Variants in TENM3 observed in about 807,000 individuals in gnomAD.
TENM3 encodes the protein teneurin transmembrane protein 3, also known as teneurin-3.
Under a neutral mutation model 255.1 loss-of-function variants are expected in TENM3, and 63 were observed. The observed-to-expected ratio is 0.25, with a 90% CI of 0.20 to 0.30. The LOEUF (loss-of-function observed/expected upper bound fraction) is 0.30. TENM3 is among the 10% of genes least tolerant of loss of function. The pLI is 1.00. For missense variants in TENM3, 2,929 were observed against 3,461.1 expected (o/e 0.85, Z 3.86); for synonymous variants, 1,306 against 1,322.3 (o/e 0.99, Z 0.27).
At chr4:181,693,503 A>C in the TENM3 span, among the ~76,000 whole-genome samples, 7 of 152,176 alleles carry the variant, frequency 4.6e-5, no homozygotes, top group Non-Finnish European at 7.4e-5. Flanking sequence ...GCCATCCAGG[A>C]AGAGTGCAGT....
chr4:182,762,396 G>T (rs140700345), intron 22 of TENM3, among the ~76,000 whole-genome samples: 2 of 152,250 alleles, frequency 1.3e-5, no homozygotes, highest in East Asian at 3.9e-4. Flanking sequence ...GTGATTGTCA[G>T]ATATTTACCC....
chr4:182,688,287 C>G lies in TENM3; in HGVS notation c.2157C>G (p.His719Gln), dbSNP rs1310194730. The change falls in exon 12 of 28, where the codon CAC (histidine) becomes CAG (glutamine). Residue 719 changes from histidine (H) to glutamine (Q), a missense_variant. Transcript: ENST00000511685. Reference sequence around the variant, plus strand: ...CCTGCCACCCCCGCTGTGCCGAGCACGGGACCTGCAAGGATGGCAAGTGTG... The same window carrying G: ...CCTGCCACCCCCGCTGTGCCGAGCAGGGGACCTGCAAGGATGGCAAGTGTG... ...QRACHPRCAEHGTCKDGKCEC... is the reference protein window; with the variant it reads ...QRACHPRCAEQGTCKDGKCEC... The G allele has an allele frequency of 6.2e-7, 1 of 1,613,836 alleles. No individual in the cohort carries two copies.
At chr4:182,060,576 G>A in the TENM3 span, among the ~76,000 whole-genome samples, 648 of 152,220 alleles carry the variant, frequency 4.3e-3, 2 homozygotes, top group Non-Finnish European at 5.9e-3. Context: ...AACAAGTCAC[G>A]GGCCCATACA....
intron 3 of TENM3, among the ~76,000 whole-genome samples, chr4:182,549,216 A>G (rs568268780): frequency 6.6e-6 from 1 of 152,374 alleles, no homozygotes; most frequent in South Asian, 2.1e-4. Flanking sequence ...GTTACGGTCA[A>G]GTAAAATGTC....
intron 4 of TENM3, 146 bp downstream of exon 4, chr4:182,601,307 G>A (rs1246678843): frequency 1.3e-5 from 9 of 687,482 alleles, no homozygotes; most frequent in Non-Finnish European, 2.2e-5. Flanking sequence ...GTTCCAGATT[G>A]TTGTGATTTT....
intron 3 of TENM3, among the ~76,000 whole-genome samples, chr4:182,546,729 C>T (rs1166781534): frequency 6.6e-6 from 1 of 152,130 alleles, no homozygotes; most frequent in Non-Finnish European, 1.5e-5. Context: ...ATAGGGAATC[C>T]TACCAGAGAT....
rs1030932563 is a variant in TENM3 at position 182,608,252 on chromosome 4, T to A, written c.749+7091T>A. Among the ~76,000 whole-genome samples the A allele has an allele frequency of 3.3e-5, 5 of 152,220 alleles. No homozygotes were observed. The East Asian group carries it at 9.7e-4, about 30-fold the overall frequency. ...TCAGTTTTTTTAAAGATTGATTGAT[T>A]GATTGATTGATATTTTTTTGAGACG... On this transcript the variant is annotated intron_variant, in intron 4 of 27. Coordinates refer to ENST00000511685, the MANE Select transcript of TENM3 (RefSeq NM_001080477.4).
chr4:181,898,696 G>A, the TENM3 span, among the ~76,000 whole-genome samples: 1 of 152,008 alleles, frequency 6.6e-6, no homozygotes, highest in East Asian at 1.9e-4. Flanking sequence ...CTACATTTCT[G>A]TTGGGAAAAT....
At chr4:181,546,411 T>C in the TENM3 span, among the ~76,000 whole-genome samples, 1 of 152,174 alleles carries the variant, frequency 6.6e-6, no homozygotes, top group African/African-American at 2.4e-5. Context: ...AGTAAAAAGC[T>C]ATTCTACAGA....
chr4:181,986,592 C>T, the TENM3 span, among the ~76,000 whole-genome samples: 2 of 152,086 alleles, frequency 1.3e-5, no homozygotes, highest in African/African-American at 4.8e-5. Context: ...ACTGCTCATA[C>T]CTATAGCGTT....
At chr4:181,869,943 G>A in the TENM3 span, among the ~76,000 whole-genome samples, 1 of 152,128 alleles carries the variant, frequency 6.6e-6, no homozygotes, top group Non-Finnish European at 1.5e-5. Flanking sequence ...CCATTAATGT[G>A]AAAAACAAGA....
intron 2 of TENM3, among the ~76,000 whole-genome samples, chr4:182,330,908 A>T (rs1340527344): frequency 1.3e-5 from 2 of 152,238 alleles, no homozygotes; most frequent in African/African-American, 4.8e-5. Flanking sequence ...GTAGAAAAGT[A>T]AAAGTGTTCC....
intron 3 of TENM3, among the ~76,000 whole-genome samples, chr4:182,384,172 C>T (rs536994755): frequency 3.9e-5 from 6 of 152,094 alleles, no homozygotes; most frequent in Non-Finnish European, 5.9e-5. Flanking sequence ...CCTGTGAAGC[C>T]GACTTTTTCA....
At chr4:181,795,525 T>C in the TENM3 span, among the ~76,000 whole-genome samples, 10 of 152,270 alleles carry the variant, frequency 6.6e-5, no homozygotes, top group Non-Finnish European at 5.9e-5. Context: ...CATAGCAACT[T>C]TGGCCTAAAT....
chr4:181,891,586 C>G, the TENM3 span, among the ~76,000 whole-genome samples: 1 of 152,152 alleles, frequency 6.6e-6, no homozygotes, highest in African/African-American at 2.4e-5. Flanking sequence ...TACTCTTGCT[C>G]AATTTTCTTT....
At chr4:182,463,039 C>G (rs899318562) in intron 3 of TENM3, among the ~76,000 whole-genome samples, 1 of 152,104 alleles carries the variant, frequency 6.6e-6, no homozygotes, top group African/African-American at 2.4e-5. Flanking sequence ...CTAGTCAGCC[C>G]TCCCCGTGTG....
intron 3 of TENM3, among the ~76,000 whole-genome samples, chr4:182,496,225 A>G (rs1043995882): frequency 5.3e-5 from 8 of 152,194 alleles, no homozygotes; most frequent in Admixed American, 1.3e-4. Context: ...TTCCACCTTA[A>G]TGGAAGTCAC....
chr4:182,730,574 T>G (rs571692819), intron 15 of TENM3, among the ~76,000 whole-genome samples: 7 of 152,322 alleles, frequency 4.6e-5, no homozygotes, highest in Admixed American at 3.3e-4. Flanking sequence ...TCAGCAGATG[T>G]ATGTTGAAAT....
At chr4:182,225,163 ACT>A (rs1051055198) in intron 1 of TENM3, among the ~76,000 whole-genome samples, 2 of 152,184 alleles carry the variant, frequency 1.3e-5, no homozygotes, top group South Asian at 2.1e-4. Context: ...AATGAAACAA[ACT>A]CTGAAAAGCC....
Sources: allele counts gnomAD v4.1 joint callset (sites outside exome capture counted in the v4.1 genomes callset), GRCh38; gene constraint gnomAD v4.1.1; transcripts MANE v1.5; gene names NCBI Gene and HGNC (gene_info 2026-07-23, HGNC 2026-07-21).